Variants in GLIS3 observed in about 807,000 individuals in gnomAD.
GLIS3 encodes zinc finger protein GLIS3.
A neutral mutation model predicts 78.6 loss-of-function variants in GLIS3; 53 were observed. The observed-to-expected ratio is 0.67, with a 90% CI of 0.54 to 0.85. The LOEUF (loss-of-function observed/expected upper bound fraction) is 0.85, where lower values mean the gene tolerates loss of function less well. Among genes scored for constraint, GLIS3 ranks in the 40% least tolerant of loss-of-function variants. The pLI, the probability that GLIS3 is intolerant of heterozygous loss-of-function variation, is 0.00. For missense variants in GLIS3, 1,703 were observed against 1,231.1 expected (o/e 1.38, Z -5.74); for synonymous variants, 684 against 509.9 (o/e 1.34, Z -4.60).
chr9:4,054,978 A>C (rs539563843), intron 4 of GLIS3, among the ~76,000 whole-genome samples: 1,900 of 152,318 alleles, frequency 0.012, 40 homozygotes, highest in African/African-American at 0.044. Flanking sequence ...TTTAACAAGG[A>C]TCTGGCTAAC....
chr9:4,106,323 T>A (rs1830748587), intron 4 of GLIS3, among the ~76,000 whole-genome samples: 1 of 152,186 alleles, frequency 6.6e-6, no homozygotes, highest in African/African-American at 2.4e-5. Context: ...GATTTTTTTT[T>A]ATTGTCGCTC....
the GLIS3 span, among the ~76,000 whole-genome samples, chr9:4,445,776 T>C: frequency 6.6e-6 from 1 of 152,182 alleles, no homozygotes; most frequent in Non-Finnish European, 1.5e-5. Context: ...TCCGAATCCT[T>C]CTCAAGTACA....
intron 2 of GLIS3, among the ~76,000 whole-genome samples, chr9:4,232,551 AAT>A (rs1265034655): frequency 1.3e-5 from 2 of 152,312 alleles, no homozygotes; most frequent in East Asian, 3.9e-4. Context: ...TGTTATTGAA[AAT>A]ATAGATAATA....
intron 6 of GLIS3, among the ~76,000 whole-genome samples, chr9:3,904,040 A>C (rs1039326073): frequency 6.6e-6 from 1 of 152,206 alleles, no homozygotes; most frequent in Non-Finnish European, 1.5e-5. Context: ...CAGGGGCTCC[A>C]CCATAAATAT....
chr9:3,987,942 C>T (rs1039880618), intron 4 of GLIS3, among the ~76,000 whole-genome samples: 6 of 151,746 alleles, frequency 4.0e-5, no homozygotes, highest in Non-Finnish European at 8.8e-5. Context: ...GATACATGAA[C>T]ATCAATTCAA....
intron 4 of GLIS3, among the ~76,000 whole-genome samples, chr9:3,991,284 G>T (rs889471729): frequency 3.3e-5 from 5 of 152,030 alleles, no homozygotes; most frequent in Admixed American, 1.3e-4. Flanking sequence ...TGTCCATTTT[G>T]ACTTTTACTT....
At chr9:4,260,877 ACTGT>A (rs1374843271) in intron 2 of GLIS3, among the ~76,000 whole-genome samples, 4 of 152,228 alleles carry the variant, frequency 2.6e-5, no homozygotes, top group Non-Finnish European at 5.9e-5. Flanking sequence ...CTAAGGCTGT[ACTGT>A]CTAATACGGT....
intron 2 of GLIS3, among the ~76,000 whole-genome samples, chr9:4,283,655 C>G (rs1827750752): frequency 6.6e-6 from 1 of 152,202 alleles, no homozygotes; most frequent in Non-Finnish European, 1.5e-5. Flanking sequence ...TATTGCATCT[C>G]CAGAACAGTG....
At chr9:4,224,938 G>C (rs1337663256) in intron 2 of GLIS3, among the ~76,000 whole-genome samples, 1 of 151,690 alleles carries the variant, frequency 6.6e-6, no homozygotes, top group Non-Finnish European at 1.5e-5. Context: ...TTATCACTAT[G>C]AGTATCGTTA....
At chr9:4,328,185 G>T (rs1190160722) in intron 2 of GLIS3, among the ~76,000 whole-genome samples, 1 of 152,130 alleles carries the variant, frequency 6.6e-6, no homozygotes, top group Non-Finnish European at 1.5e-5. Context: ...TCTGCCCCAA[G>T]ACCCGAGACT....
the GLIS3 span, among the ~76,000 whole-genome samples, chr9:4,454,268 G>A: frequency 6.6e-6 from 1 of 151,934 alleles, no homozygotes; most frequent in Non-Finnish European, 1.5e-5. Flanking sequence ...GCCTTCCAAA[G>A]TACTAGGATT....
In GLIS3 at chr9:3,829,485, A is replaced by C; in HGVS notation, c.2481T>G (p.Tyr827Ter). The C allele has an allele frequency of 6.2e-7, 1 of 1,614,096 alleles. No individual in the cohort carries two copies. Among genetic ancestry groups the C allele is most frequent in the Non-Finnish European group, 8.5e-7 (1 of 1,179,980 alleles). Residue 827 changes from tyrosine to a stop codon, truncating the protein, a stop_gained, in exon 10 of 11, where the codon TAT (tyrosine) becomes TAG (stop). Coordinates refer to ENST00000381971, the MANE Select transcript of GLIS3 (RefSeq NM_001042413.2). LOFTEE classifies it high-confidence loss of function. The part of the protein sequence containing the change: ...QPNGIHVHGF[Y>*]GQLQKFCPPH... ...GGGGACAGAACTTCTGCAGCTGCCC[A>C]TAAAATCCTGAAACGCAAGCATGGC...
At chr9:4,394,627 A>T in the GLIS3 span, among the ~76,000 whole-genome samples, 1 of 152,222 alleles carries the variant, frequency 6.6e-6, no homozygotes. Flanking sequence ...TCAAAAGGTC[A>T]GCTTCATATC....
chr9:4,427,177 T>G, the GLIS3 span, among the ~76,000 whole-genome samples: 1 of 152,202 alleles, frequency 6.6e-6, no homozygotes, highest in Non-Finnish European at 1.5e-5. Context: ...GTAAGTTGGA[T>G]GCTCCATTGA....
chr9:3,871,884 G>C (rs1003024941), intron 8 of GLIS3, among the ~76,000 whole-genome samples: 10 of 152,222 alleles, frequency 6.6e-5, no homozygotes, highest in Non-Finnish European at 1.0e-4. Flanking sequence ...CCCAGAAAAT[G>C]AGATTTTCTC....
intron 2 of GLIS3, among the ~76,000 whole-genome samples, chr9:4,271,213 C>T (rs575902117): frequency 6.6e-6 from 1 of 152,170 alleles, no homozygotes; most frequent in South Asian, 2.1e-4. Flanking sequence ...TTCTCAGTAG[C>T]ATTTTCTTTT....
At chr9:4,009,922 T>C (rs1365114307) in intron 4 of GLIS3, among the ~76,000 whole-genome samples, 2 of 152,212 alleles carry the variant, frequency 1.3e-5, no homozygotes, top group Non-Finnish European at 2.9e-5. Context: ...GGGCTTTCAA[T>C]AGTCCCTTCT....
chr9:4,266,013 G>A (rs1041794280), intron 2 of GLIS3, among the ~76,000 whole-genome samples: 2 of 151,778 alleles, frequency 1.3e-5, no homozygotes, highest in Non-Finnish European at 2.9e-5. Context: ...CCGCCTCCCA[G>A]GTTCACACCA....
chr9:4,454,194 A>G, the GLIS3 span, among the ~76,000 whole-genome samples: 1 of 151,158 alleles, frequency 6.6e-6, no homozygotes, highest in Non-Finnish European at 1.5e-5. Flanking sequence ...AACCAGAGAC[A>G]GGGTATCCCT....
Sources: allele counts gnomAD v4.1 joint callset (sites outside exome capture counted in the v4.1 genomes callset), GRCh38; gene constraint gnomAD v4.1.1; transcripts MANE v1.5; gene names NCBI Gene and HGNC (gene_info 2026-07-23, HGNC 2026-07-21).